MCC: variants seen among roughly 807,000 people sequenced by gnomAD.
The protein encoded by MCC is MCC regulator of Wnt signaling pathway.
MCC carries 90 observed loss-of-function variants against 116.2 expected under a neutral mutation model. That is an observed-to-expected ratio of 0.77 (90% CI 0.65 to 0.92). The LOEUF (loss-of-function observed/expected upper bound fraction) is 0.92, where lower values mean the gene tolerates loss of function less well. MCC is among the 40% of genes least tolerant of loss of function. MCC has a pLI of 0.00. For synonymous variants in MCC, 578 were observed against 510.5 expected (o/e 1.13, Z -1.78); for missense variants, 1,516 against 1,312.2 (o/e 1.16, Z -2.40).
intron 6 of MCC, among the ~76,000 whole-genome samples, chr5:113,117,178 GC>G (rs1375851819): frequency 3.3e-5 from 5 of 152,248 alleles, no homozygotes; most frequent in Admixed American, 6.5e-5. Flanking sequence ...GCCTTTCCCT[GC>G]CCCGACCCTC....
At chr5:113,115,103 C>T (rs950559850) in intron 6 of MCC, among the ~76,000 whole-genome samples, 1 of 152,152 alleles carries the variant, frequency 6.6e-6, no homozygotes, top group African/African-American at 2.4e-5. Flanking sequence ...ATCCTCCCCC[C>T]TGAGACGCTA....
intron 5 of MCC, 37 bp from the exon 6 acceptor site, chr5:113,122,863 G>C (rs758547146): frequency 6.2e-7 from 1 of 1,604,726 alleles, no homozygotes; most frequent in Admixed American, 1.7e-5. Flanking sequence ...ACTAACAGAG[G>C]ATATAAGACA....
intron 13 of MCC, among the ~76,000 whole-genome samples, chr5:113,066,728 T>C (rs566429612): frequency 1.9e-4 from 29 of 152,272 alleles, no homozygotes; most frequent in Admixed American, 9.2e-4. Context: ...GGAAGGTGCA[T>C]TCAGAAGGTG....
At chr5:113,190,753 G>T (rs1561442916) in intron 3 of MCC, among the ~76,000 whole-genome samples, 2 of 152,200 alleles carry the variant, frequency 1.3e-5, no homozygotes, top group Non-Finnish European at 2.9e-5. Flanking sequence ...CCAGGGCAGG[G>T]GCAAGAGGAA....
intron 11 of MCC, among the ~76,000 whole-genome samples, chr5:113,072,120 C>T: frequency 6.6e-6 from 1 of 152,164 alleles, no homozygotes. Flanking sequence ...TCCATGGACA[C>T]ATCTATTTGT....
chr5:113,226,855 T>G (rs1763760893), intron 3 of MCC, among the ~76,000 whole-genome samples: 1 of 152,228 alleles, frequency 6.6e-6, no homozygotes, highest in African/African-American at 2.4e-5. Flanking sequence ...CAGGCCTGAG[T>G]TCAAACTCTG....
At chr5:113,237,714 T>A (rs1254701043) in intron 3 of MCC, among the ~76,000 whole-genome samples, 2 of 152,146 alleles carry the variant, frequency 1.3e-5, no homozygotes, top group East Asian at 3.8e-4. Context: ...TCCTCATTGA[T>A]TAGTCTCAGC....
In MCC at chr5:113,030,524, A is replaced by T. The variant is rs371649257; in HGVS notation, c.2757-1468T>A. ...TGAAACCCCATCTCTACAAAAAAAT[A>T]TAAAACTTAGCCAGATATGGTGGGT... On this transcript the variant is annotated intron_variant, in intron 17 of 18. Transcript: ENST00000408903. 4.9e-4 allele frequency among the ~76,000 whole-genome samples: 74 copies of T among 152,222 alleles called. 1 individual carries two copies. In the South Asian group the frequency reaches 9.4e-3, roughly 19 times the overall value.
intron 13 of MCC, among the ~76,000 whole-genome samples, chr5:113,066,370 G>T (rs1753604768): frequency 6.6e-6 from 1 of 152,048 alleles, no homozygotes; most frequent in East Asian, 1.9e-4. Context: ...ATCATTTTAG[G>T]ATCTGTTTCA....
chr5:113,380,825 C>T (rs1769100880), intron 2 of MCC, among the ~76,000 whole-genome samples: 1 of 152,132 alleles, frequency 6.6e-6, no homozygotes, highest in Non-Finnish European at 1.5e-5. Flanking sequence ...CAGAGACAGG[C>T]TGAGTTTGCT....
chr5:113,264,710 T>TA (rs1348073854), intron 3 of MCC, among the ~76,000 whole-genome samples: 1 of 152,188 alleles, frequency 6.6e-6, no homozygotes, highest in Non-Finnish European at 1.5e-5. Flanking sequence ...TCTTATGATG[T>TA]AAAAATTATA....
chr5:113,449,931 A>T (rs532688582), intron 1 of MCC, among the ~76,000 whole-genome samples: 46 of 152,328 alleles, frequency 3.0e-4, no homozygotes, highest in African/African-American at 1.1e-3. Flanking sequence ...CATTTGGAGT[A>T]TGATTTTTTC....
At chr5:113,374,991 C>CA (rs70973680) in intron 2 of MCC, among the ~76,000 whole-genome samples, 10,797 of 85,046 alleles carry the variant, frequency 0.13, 724 homozygotes, top group Non-Finnish European at 0.16. Context: ...GACCCTGTCT[C>CA]AAAAAAAAAA....
intron 3 of MCC, among the ~76,000 whole-genome samples, chr5:113,243,773 C>T (rs1764471976): frequency 6.6e-6 from 1 of 152,228 alleles, no homozygotes; most frequent in African/African-American, 2.4e-5. Context: ...GGGCTCATGG[C>T]TCTGGGACAC....
At chr5:113,039,866 G>A (rs777125134) in intron 17 of MCC, among the ~76,000 whole-genome samples, 7 of 152,080 alleles carry the variant, frequency 4.6e-5, no homozygotes, top group Non-Finnish European at 7.3e-5. Context: ...TACAAAAAAG[G>A]AGTCATTTCT....
At chr5:113,242,904 T>C (rs1009743144) in intron 3 of MCC, among the ~76,000 whole-genome samples, 2 of 152,182 alleles carry the variant, frequency 1.3e-5, no homozygotes, top group East Asian at 1.9e-4. Context: ...AGCTGGGTGA[T>C]AGGAGCCAGT....
At chr5:113,108,217 C>T (rs1756861083) in intron 6 of MCC, among the ~76,000 whole-genome samples, 2 of 150,326 alleles carry the variant, frequency 1.3e-5, no homozygotes, top group Non-Finnish European at 3.0e-5. Flanking sequence ...TGGTGGCGCA[C>T]ACCTGTAATG....
chr5:113,247,340 C>T (rs1222760232), intron 3 of MCC, among the ~76,000 whole-genome samples: 1 of 152,060 alleles, frequency 6.6e-6, no homozygotes, highest in African/African-American at 2.4e-5. Context: ...AACTATAGCA[C>T]CCCCAGCACA....
chr5:113,087,445 G>C (rs1014949564), intron 8 of MCC, among the ~76,000 whole-genome samples: 2 of 152,164 alleles, frequency 1.3e-5, no homozygotes, highest in Non-Finnish European at 2.9e-5. Context: ...TACTGCTGAT[G>C]AAGGATTACA....
Sources: allele counts gnomAD v4.1 joint callset (sites outside exome capture counted in the v4.1 genomes callset), GRCh38; gene constraint gnomAD v4.1.1; transcripts MANE v1.5; gene names NCBI Gene and HGNC (gene_info 2026-07-23, HGNC 2026-07-21).